The following ZMYND8 variants were observed in gnomAD, a reference collection of about 807,000 sequenced individuals.
ZMYND8 encodes the protein MYND-type zinc finger-containing chromatin reader ZMYND8.
Under a neutral mutation model 140.8 loss-of-function variants are expected in ZMYND8, and 37 were observed. The ratio of observed to expected loss-of-function variants is 0.26; its 90% confidence interval spans 0.20 to 0.35. The LOEUF (loss-of-function observed/expected upper bound fraction) is 0.35. ZMYND8 is among the 10% of genes least tolerant of loss of function. The probability of loss-of-function intolerance (pLI) is 1.00; values close to 1 mark genes in which losing one functional copy is unlikely to be tolerated. For synonymous variants in ZMYND8, 592 were observed against 597.1 expected (o/e 0.99, Z 0.12); for missense variants, 1,068 against 1,570.0 (o/e 0.68, Z 5.40).
chr20:47,336,995 T>C (rs2081433399), intron 2 of ZMYND8, among the ~76,000 whole-genome samples: 1 of 141,838 alleles, frequency 7.1e-6, no homozygotes, highest in African/African-American at 2.6e-5. Flanking sequence ...CATGGTTAAG[T>C]ACAAAGGTTT....
At chr20:47,223,235 G>C (rs971263151) in intron 19 of ZMYND8, among the ~76,000 whole-genome samples, 1 of 152,208 alleles carries the variant, frequency 6.6e-6, no homozygotes, top group Non-Finnish European at 1.5e-5. Context: ...GCTGGGCGTG[G>C]TGGCTCACAC....
intron 12 of ZMYND8, among the ~76,000 whole-genome samples, chr20:47,261,075 G>T (rs2075118461): frequency 6.6e-6 from 1 of 152,048 alleles, no homozygotes; most frequent in Non-Finnish European, 1.5e-5. Context: ...TACAAAATTA[G>T]CCAGGCGTGG....
chr20:47,351,986 A>AG, intron 1 of ZMYND8: 1 of 985,432 alleles, frequency 1.0e-6, no homozygotes, highest in Non-Finnish European at 1.2e-6. Context: ...CAGGTTCCTA[A>AG]GGAAAAGCCT....
chr20:47,239,043 C>T lies in ZMYND8; in HGVS notation c.2380G>A (p.Gly794Ser). Residue 794 changes from glycine (G) to serine (S), a missense_variant, in exon 15 of 23, where the codon GGC (glycine) becomes AGC (serine). Gly to Ser is a moderately conservative substitution (Grantham distance 56). Coordinates refer to ENST00000471951, the MANE Select transcript of ZMYND8 (RefSeq NM_001281775.3). ...TRSSAQTSAA[G>S]ATATTSTSST... The stretch of plus-strand genomic sequence containing the variant: ...GACGTGCTGGTGGTGGCTGTGGCGC[C>T]AGCCGCGGAAGTTTGGGCGGAAGAG... The T allele has an allele frequency of 6.3e-7, 1 of 1,580,608 alleles. No individual in the cohort carries two copies. The highest frequency in any genetic ancestry group is 8.6e-7 in the Non-Finnish European group (1 of 1,160,720).
In ZMYND8 at chr20:47,210,174, T is replaced by G. The variant is rs1407981658; in HGVS notation, c.*587A>C. The G allele has an allele frequency of 6.5e-6, 1 of 152,898 alleles. No homozygotes were observed. Among genetic ancestry groups the G allele is most frequent in the African/African-American group, 2.4e-5 (1 of 41,446 alleles). The allele number at this position is 152,898 out of a possible 1,614,324, so 9.5% of individuals were successfully genotyped here. ...GCGTTTTAGGAACGTGGTAACGTAGTAGCTGAAAGGAGCCAACGGCTTGAT... is the reference window on the plus strand; with the variant it reads ...GCGTTTTAGGAACGTGGTAACGTAGGAGCTGAAAGGAGCCAACGGCTTGAT... On this transcript the variant is annotated 3_prime_UTR_variant, in exon 23 of 23. Coordinates refer to ENST00000471951, the MANE Select transcript of ZMYND8 (RefSeq NM_001281775.3).
At chr20:47,263,049 G>C (rs999141813) in intron 11 of ZMYND8, among the ~76,000 whole-genome samples, 8 of 152,104 alleles carry the variant, frequency 5.3e-5, no homozygotes, top group African/African-American at 1.9e-4. Context: ...CTATGCCTAA[G>C]GCTTTTAAAA....
chr20:47,340,821 A>T (rs2081807029), intron 2 of ZMYND8, among the ~76,000 whole-genome samples: 1 of 151,902 alleles, frequency 6.6e-6, no homozygotes, highest in African/African-American at 2.4e-5. Context: ...AAAAAAAAAA[A>T]TACAGCAGCC....
At chr20:47,333,389 G>T (rs979135786) in intron 2 of ZMYND8, among the ~76,000 whole-genome samples, 8 of 151,568 alleles carry the variant, frequency 5.3e-5, no homozygotes, top group South Asian at 2.1e-4. Flanking sequence ...ATCACTTGAG[G>T]TCAGGAGTTC....
intron 1 of ZMYND8, among the ~76,000 whole-genome samples, chr20:47,350,347 A>C (rs1355185989): frequency 6.6e-6 from 1 of 151,390 alleles, no homozygotes; most frequent in Non-Finnish European, 1.5e-5. Flanking sequence ...AAAAAAAAAA[A>C]AAAAACTTCA....
chr20:47,335,062 A>G (rs909730210), intron 2 of ZMYND8, among the ~76,000 whole-genome samples: 1 of 152,040 alleles, frequency 6.6e-6, no homozygotes, highest in African/African-American at 2.4e-5. Flanking sequence ...CCTGGGCAAC[A>G]TAGTGAAACC....
chr20:47,339,067 G>A (rs1335410315), intron 2 of ZMYND8, among the ~76,000 whole-genome samples: 3 of 150,938 alleles, frequency 2.0e-5, no homozygotes, highest in Non-Finnish European at 2.9e-5. Context: ...CTGCCTCCCA[G>A]GTTCATGCCA....
chr20:47,349,934 C>A (rs1356826451), intron 1 of ZMYND8: 2 of 1,535,226 alleles, frequency 1.3e-6, no homozygotes, highest in Non-Finnish European at 8.7e-7. Context: ...TCAAGGGAAC[C>A]ATTATTTGGC....
chr20:47,331,450 T>G (rs1367435581), intron 2 of ZMYND8, among the ~76,000 whole-genome samples: 2 of 152,188 alleles, frequency 1.3e-5, no homozygotes, highest in African/African-American at 4.8e-5. Context: ...ATCTTGAGTT[T>G]GAGACGCCCA....
rs556538426 is a variant in ZMYND8 at position 47,249,629 on chromosome 20, T to G, written c.1622-190A>C. On this transcript the variant is annotated intron_variant, in intron 12 of 22. Coordinates refer to ENST00000471951, the MANE Select transcript of ZMYND8 (RefSeq NM_001281775.3). Reference sequence around the variant, plus strand: ...GGTGACATGAAGATAATGGCCCACGTGAACACGTTTGGCAGGTTTAAACAG... The same window carrying G: ...GGTGACATGAAGATAATGGCCCACGGGAACACGTTTGGCAGGTTTAAACAG... Among the ~76,000 whole-genome samples the G allele has an allele frequency of 7.4e-3, 1,111 of 149,834 alleles. 18 individuals carry two copies. The highest frequency in any genetic ancestry group is 0.025 in the African/African-American group (1,043 of 41,214).
intron 2 of ZMYND8, among the ~76,000 whole-genome samples, chr20:47,344,951 A>T (rs1379510596): frequency 1.3e-5 from 2 of 151,466 alleles, no homozygotes; most frequent in Non-Finnish European, 2.9e-5. Context: ...CATCCCTACA[A>T]AAAAAAAATT....
At chr20:47,278,017 A>C (rs767646683) in intron 10 of ZMYND8, among the ~76,000 whole-genome samples, 4 of 151,896 alleles carry the variant, frequency 2.6e-5, no homozygotes, top group Admixed American at 6.6e-5. Flanking sequence ...CTGTCACCCA[A>C]GCCAGAGAGC....
intron 10 of ZMYND8, among the ~76,000 whole-genome samples, chr20:47,279,392 T>C (rs1188024327): frequency 6.6e-6 from 1 of 151,934 alleles, no homozygotes; most frequent in Non-Finnish European, 1.5e-5. Flanking sequence ...ATTGCTTGAA[T>C]GAGCCACTGC....
chr20:47,310,568 T>G (rs1191752114), intron 2 of ZMYND8, among the ~76,000 whole-genome samples: 1 of 151,554 alleles, frequency 6.6e-6, no homozygotes, highest in Non-Finnish European at 1.5e-5. Context: ...GAGGCCAAAG[T>G]GGGCAGATCA....
At chr20:47,293,897 TGAGTTCTCACAA>T (rs1187150816) in intron 5 of ZMYND8, among the ~76,000 whole-genome samples, 2 of 152,080 alleles carry the variant, frequency 1.3e-5, no homozygotes, top group Non-Finnish European at 2.9e-5. Context: ...TGATAGTGAG[TGAGTTCTCACAA>T]GATCTTGTGG....
Sources: allele counts gnomAD v4.1 joint callset (sites outside exome capture counted in the v4.1 genomes callset), GRCh38; gene constraint gnomAD v4.1.1; transcripts MANE v1.5; gene names NCBI Gene and HGNC (gene_info 2026-07-23, HGNC 2026-07-21).